Variants in PPARGC1A observed in about 807,000 individuals in gnomAD.
The protein encoded by PPARGC1A is peroxisome proliferator-activated receptor gamma coactivator 1-alpha.
A neutral mutation model predicts 88.7 loss-of-function variants in PPARGC1A; 25 were observed. That is an observed-to-expected ratio of 0.28 (90% CI 0.21 to 0.39). The LOEUF is 0.39. PPARGC1A is among the 10% of genes least tolerant of loss of function. The pLI is 1.00. For missense variants in PPARGC1A, 880 were observed against 968.7 expected (o/e 0.91, Z 1.22); for synonymous variants, 363 against 355.6 (o/e 1.02, Z -0.24).
At chr4:24,334,423 A>G in the PPARGC1A span, among the ~76,000 whole-genome samples, 1 of 152,204 alleles carries the variant, frequency 6.6e-6, no homozygotes, top group African/African-American at 2.4e-5. Flanking sequence ...AAATATTGTC[A>G]GGTACTTCGT....
In PPARGC1A at chr4:23,814,084, C is replaced by T. The variant is rs753319196; in HGVS notation, c.1399G>A (p.Gly467Ser). 3.7e-6 allele frequency: 6 copies of T among 1,614,024 alleles called. No homozygotes were observed. Among genetic ancestry groups the T allele is most frequent in the Non-Finnish European group, 5.1e-6 (6 of 1,179,970 alleles). Residue 467 changes from glycine (G) to serine (S), a missense_variant, in exon 8 of 13, where the codon GGT becomes AGT. Coordinates refer to ENST00000264867, the MANE Select transcript of PPARGC1A (RefSeq NM_013261.5). ...EIRAELNKHFGHPSQAVFDDE... is the reference protein window; with the variant it reads ...EIRAELNKHFSHPSQAVFDDE... The stretch of plus-strand genomic sequence containing the variant: ...TCAAAAACAGCTTGACTGGGATGAC[C>T]GAAGTGCTTGTTCAGCTCGGCTCGG...
chr4:24,208,675 G>GAAAAAAAA, the PPARGC1A span, among the ~76,000 whole-genome samples: 50 of 126,104 alleles, frequency 4.0e-4, no homozygotes, highest in African/African-American at 1.4e-3. Flanking sequence ...ACCAAACTCA[G>GAAAAAAAA]AAAAAAAATA....
the PPARGC1A span, among the ~76,000 whole-genome samples, chr4:23,972,676 C>A: frequency 1.3e-5 from 2 of 152,180 alleles, no homozygotes; most frequent in Non-Finnish European, 2.9e-5. Flanking sequence ...TCACCACACT[C>A]ATGAATATAT....
the PPARGC1A span, among the ~76,000 whole-genome samples, chr4:24,466,067 C>T: frequency 9.2e-5 from 14 of 152,192 alleles, no homozygotes; most frequent in Admixed American, 9.2e-4. Context: ...GAGTGCCCCA[C>T]TAAACCATAA....
chr4:24,305,206 G>T, the PPARGC1A span, among the ~76,000 whole-genome samples: 3 of 146,546 alleles, frequency 2.0e-5, no homozygotes, highest in African/African-American at 5.1e-5. Context: ...CAAAGTCGTG[G>T]TTTTTTTGCC....
the PPARGC1A span, among the ~76,000 whole-genome samples, chr4:24,396,430 C>G: frequency 6.6e-6 from 1 of 152,058 alleles, no homozygotes; most frequent in Non-Finnish European, 1.5e-5. Flanking sequence ...CCTTTATAGT[C>G]CAGCACTAAA....
the PPARGC1A span, among the ~76,000 whole-genome samples, chr4:24,342,074 AC>A: frequency 6.6e-6 from 1 of 152,128 alleles, no homozygotes; most frequent in African/African-American, 2.4e-5. Context: ...AAACTCAAAG[AC>A]TTCCCACACG....
the PPARGC1A span, among the ~76,000 whole-genome samples, chr4:24,214,401 GA>G: frequency 1.1e-4 from 16 of 152,268 alleles, no homozygotes; most frequent in African/African-American, 3.9e-4. Flanking sequence ...CACATGCCTC[GA>G]AAACTGTGCC....
chr4:24,285,000 C>A, the PPARGC1A span, among the ~76,000 whole-genome samples: 11 of 151,942 alleles, frequency 7.2e-5, no homozygotes. Context: ...TGCACTACAG[C>A]CTGGGCAACA....
At chr4:24,126,476 A>C in the PPARGC1A span, among the ~76,000 whole-genome samples, 1 of 152,146 alleles carries the variant, frequency 6.6e-6, no homozygotes, top group Non-Finnish European at 1.5e-5. Flanking sequence ...CCCCAGGAGG[A>C]CTGAGTAGAA....
chr4:24,038,339 A>G, the PPARGC1A span, among the ~76,000 whole-genome samples: 1 of 152,168 alleles, frequency 6.6e-6, no homozygotes, highest in Admixed American at 6.5e-5. Context: ...AGAGAGATTG[A>G]CCTGGGTGCA....
In PPARGC1A at chr4:23,814,306, T is replaced by C. The variant is rs762317005; in HGVS notation, c.1177A>G (p.Lys393Glu). 1.2e-6 allele frequency: 2 copies of C among 1,614,004 alleles called. No homozygotes were observed. Reference sequence around the variant, plus strand: ...GATATATTAATGAGTATTTCTGTTTTGGAATTAATTGACTGGCAATAGTCA... The same window carrying C: ...GATATATTAATGAGTATTTCTGTTTCGGAATTAATTGACTGGCAATAGTCA... ...DHDYCQSINSKTEILINISQE... is the reference protein window; with the variant it reads ...DHDYCQSINSETEILINISQE... Residue 393 changes from lysine to glutamate, a missense_variant, in exon 8 of 13, where the codon AAA becomes GAA. Transcript: ENST00000264867.
At chr4:24,087,639 C>G in the PPARGC1A span, among the ~76,000 whole-genome samples, 3 of 152,222 alleles carry the variant, frequency 2.0e-5, no homozygotes, top group Non-Finnish European at 2.9e-5. Flanking sequence ...AGCCAGTGAT[C>G]AGGCTAAGTT....
chr4:24,009,718 C>T, the PPARGC1A span, among the ~76,000 whole-genome samples: 92,755 of 152,042 alleles, frequency 0.61, 29,130 homozygotes, highest in African/African-American at 0.75. Flanking sequence ...AACACAACAA[C>T]ATTGGAGTCT....
intron 10 of PPARGC1A, among the ~76,000 whole-genome samples, chr4:23,805,242 A>G (rs965082860): frequency 6.6e-6 from 1 of 152,124 alleles, no homozygotes; most frequent in African/African-American, 2.4e-5. Flanking sequence ...AAAAAAAAAA[A>G]ACCTTGCTCA....
At chr4:24,123,920 A>C in the PPARGC1A span, among the ~76,000 whole-genome samples, 2 of 151,656 alleles carry the variant, frequency 1.3e-5, no homozygotes, top group African/African-American at 2.4e-5. Flanking sequence ...CAAAAAAAAA[A>C]AAAAACAAAA....
At chr4:24,449,575 T>G in the PPARGC1A span, among the ~76,000 whole-genome samples, 2 of 152,204 alleles carry the variant, frequency 1.3e-5, no homozygotes, top group African/African-American at 4.8e-5. Context: ...TGATAGAGCC[T>G]CCAAAAATAT....
At chr4:24,024,373 G>C in the PPARGC1A span, among the ~76,000 whole-genome samples, 1 of 152,146 alleles carries the variant, frequency 6.6e-6, no homozygotes, top group Non-Finnish European at 1.5e-5. Context: ...CTGATTCCAC[G>C]GACCACATTC....
At chr4:23,842,813 T>C (rs1727300943) in intron 2 of PPARGC1A, among the ~76,000 whole-genome samples, 1 of 152,072 alleles carries the variant, frequency 6.6e-6, no homozygotes, top group Non-Finnish European at 1.5e-5. Context: ...TCAGGCAAGT[T>C]TGGGTAATTT....
Sources: allele counts gnomAD v4.1 joint callset (sites outside exome capture counted in the v4.1 genomes callset), GRCh38; gene constraint gnomAD v4.1.1; transcripts MANE v1.5; gene names NCBI Gene and HGNC (gene_info 2026-07-23, HGNC 2026-07-21).